The following MACROD2 variants were observed in gnomAD, a reference collection of about 807,000 sequenced individuals.
The protein encoded by MACROD2 is ADP-ribose glycohydrolase MACROD2.
In MACROD2, 36 loss-of-function variants were observed where a neutral mutation model predicts 70.4. The observed-to-expected ratio is 0.51, with a 90% confidence interval of 0.39 to 0.68. MACROD2 has a LOEUF of 0.68. Among genes scored for constraint, MACROD2 ranks in the 30% least tolerant of loss-of-function variants. The pLI is 0.00. For missense variants in MACROD2, 496 were observed against 538.4 expected, an observed-to-expected ratio of 0.92 and a Z score of 0.78; for synonymous variants, 172 against 178.8, an observed-to-expected ratio of 0.96 and a Z score of 0.30.
At chr20:15,146,791 A>G (rs1021469488) in intron 5 of MACROD2, among the ~76,000 whole-genome samples, 3 of 152,166 alleles carry the variant, frequency 2.0e-5, no homozygotes, top group African/African-American at 7.2e-5. Flanking sequence ...GAACCATGAA[A>G]GACCAAGATG....
intron 5 of MACROD2, among the ~76,000 whole-genome samples, chr20:15,111,365 T>G (rs1829808336): frequency 6.6e-6 from 1 of 151,986 alleles, no homozygotes; most frequent in South Asian, 2.1e-4. Context: ...TAGAGATGGG[T>G]TTCACCATGT....
intron 5 of MACROD2, among the ~76,000 whole-genome samples, chr20:15,142,844 T>C (rs1452129634): frequency 6.6e-6 from 1 of 152,184 alleles, no homozygotes; most frequent in Non-Finnish European, 1.5e-5. Context: ...CATGAACTCA[T>C]CATTTTTTAT....
At position 15,020,524 on chromosome 20, in the gene MACROD2, A is replaced by C. The variant is rs1490043587; in HGVS notation, c.419-209416A>C. Among the ~76,000 whole-genome samples, 3 of 152,162 alleles carry C rather than the reference A, an allele frequency of 2.0e-5. No homozygotes were observed. In the East Asian group the frequency reaches 5.8e-4, roughly 29 times the overall value. On this transcript the variant is annotated intron_variant, in intron 5 of 17. Transcript: ENST00000684519. ...ATTTTAAAAGGCTACATATTGTCTG[A>C]TACCAACTGCAGTCATGAGCCACTT...
chr20:15,919,886 T>C (rs2065376800), intron 10 of MACROD2, among the ~76,000 whole-genome samples: 1 of 152,142 alleles, frequency 6.6e-6, no homozygotes, highest in African/African-American at 2.4e-5. Context: ...TTATTCAAAG[T>C]GGAGTAAGAC....
chr20:15,607,353 G>A (rs556495500), intron 8 of MACROD2, among the ~76,000 whole-genome samples: 2 of 152,112 alleles, frequency 1.3e-5, no homozygotes, highest in Admixed American at 1.3e-4. Flanking sequence ...CCCTAATTAG[G>A]TTTGCTTGGG....
intron 7 of MACROD2, among the ~76,000 whole-genome samples, chr20:15,438,327 A>G (rs1007508983): frequency 6.6e-5 from 10 of 152,078 alleles, no homozygotes; most frequent in Non-Finnish European, 1.5e-4. Flanking sequence ...TTTCTCTGCA[A>G]CCTTGCCAGC....
At chr20:14,627,798 G>A (rs1984269160) in intron 4 of MACROD2, among the ~76,000 whole-genome samples, 1 of 152,186 alleles carries the variant, frequency 6.6e-6, no homozygotes, top group Non-Finnish European at 1.5e-5. Flanking sequence ...ATATGAGGCA[G>A]TGTGCCAGGC....
chr20:15,586,089 G>A (rs2048597031), intron 8 of MACROD2, among the ~76,000 whole-genome samples: 1 of 152,128 alleles, frequency 6.6e-6, no homozygotes, highest in Non-Finnish European at 1.5e-5. Flanking sequence ...TGTCAGTTAT[G>A]GCTTTTCCCT....
rs3044717 is a variant in MACROD2, at chr20:14,574,375, C to CCATT, written c.301+80891_301+80894dup. 2.5e-3 allele frequency among the ~76,000 whole-genome samples: 387 copies of CCATT among 152,138 alleles called. 1 individual carries two copies. Among genetic ancestry groups the CCATT allele is most frequent in the South Asian group, 0.017 (80 of 4,818 alleles). On this transcript the variant is annotated intron_variant, in intron 4 of 17. Transcript: ENST00000684519. Reference sequence around the variant, plus strand: ...AAATCAAACCATAGCATTTACCCTGCCATTCATTCATTCATTCATTCATTC... The same window carrying CCATT: ...AAATCAAACCATAGCATTTACCCTGCCATTCATTCATTCATTCATTCATTCATTC...
intron 8 of MACROD2, among the ~76,000 whole-genome samples, chr20:15,842,712 G>GGACAGATAGATA (rs1555786008): frequency 2.1e-5 from 3 of 141,584 alleles, no homozygotes; most frequent in Non-Finnish European, 4.6e-5. Flanking sequence ...GTGGGTGGAT[G>GGACAGATAGATA]GATAGATAGA....
At chr20:15,194,478 G>A (rs372979683) in intron 5 of MACROD2, among the ~76,000 whole-genome samples, 51 of 151,970 alleles carry the variant, frequency 3.4e-4, no homozygotes, top group Admixed American at 6.6e-4. Flanking sequence ...CAGAAGGGTT[G>A]TAAAAATAAC....
At chr20:15,605,325 A>AT (rs138379332) in intron 8 of MACROD2, among the ~76,000 whole-genome samples, 257 of 151,468 alleles carry the variant, frequency 1.7e-3, no homozygotes, top group South Asian at 4.6e-3. Flanking sequence ...TGTAATATAG[A>AT]TTTTTTTTTC....
chr20:15,059,537 C>A (rs1006667251), intron 5 of MACROD2, among the ~76,000 whole-genome samples: 1 of 152,154 alleles, frequency 6.6e-6, no homozygotes, highest in African/African-American at 2.4e-5. Flanking sequence ...CTTATGGGGG[C>A]AGTAGAATTT....
intron 15 of MACROD2, among the ~76,000 whole-genome samples, chr20:16,011,422 T>TA (rs2066861245): frequency 6.6e-6 from 1 of 152,210 alleles, no homozygotes; most frequent in Non-Finnish European, 1.5e-5. Context: ...GAACCAGTGG[T>TA]AAAAATGTTA....
intron 5 of MACROD2, among the ~76,000 whole-genome samples, chr20:14,741,301 T>TA (rs1386807885): frequency 6.6e-6 from 1 of 152,200 alleles, no homozygotes; most frequent in African/African-American, 2.4e-5. Flanking sequence ...TACAGATTTC[T>TA]AAAAATTATT....
At position 14,915,991 on chromosome 20, in the gene MACROD2, C is replaced by T. The variant is rs182640374; in HGVS notation, c.418+231032C>T. On this transcript the variant is annotated intron_variant, in intron 5 of 17. Coordinates refer to ENST00000684519, the MANE Select transcript of MACROD2 (RefSeq NM_001351661.2). ...AAAAAGAGCTGTCCATTCTCAATTT[C>T]GGACTTATTTTAAATTACTCACAGG... Among the ~76,000 whole-genome samples, 212 of 152,220 alleles carry T rather than the reference C, an allele frequency of 1.4e-3. 1 individual carries two copies. The highest frequency in any genetic ancestry group is 4.6e-3 in the African/African-American group (192 of 41,544).
intron 4 of MACROD2, among the ~76,000 whole-genome samples, chr20:14,592,402 A>G (rs1054463137): frequency 1.3e-5 from 2 of 152,124 alleles, no homozygotes; most frequent in African/African-American, 4.8e-5. Flanking sequence ...GAGGAAATGC[A>G]TATTCCTTAG....
chr20:15,632,542 A>G (rs1445591379), intron 8 of MACROD2, among the ~76,000 whole-genome samples: 1 of 152,236 alleles, frequency 6.6e-6, no homozygotes, highest in African/African-American at 2.4e-5. Context: ...AGACAGGACC[A>G]GGAAATACCT....
At chr20:15,176,730 A>C (rs1289367864) in intron 5 of MACROD2, among the ~76,000 whole-genome samples, 1 of 152,146 alleles carries the variant, frequency 6.6e-6, no homozygotes, top group African/African-American at 2.4e-5. Flanking sequence ...AAATGGCTGT[A>C]ACCCAAGCAG....
Sources: allele counts gnomAD v4.1 joint callset (sites outside exome capture counted in the v4.1 genomes callset), GRCh38; gene constraint gnomAD v4.1.1; transcripts MANE v1.5; gene names NCBI Gene and HGNC (gene_info 2026-07-23, HGNC 2026-07-21).